GADL1: variants seen among roughly 807,000 people sequenced by gnomAD.
The protein encoded by GADL1 is acidic amino acid decarboxylase GADL1.
GADL1 carries 71 observed loss-of-function variants against 69.5 expected under a neutral mutation model. The observed-to-expected ratio is 1.02, with a 90% CI of 0.84 to 1.25. GADL1 has a LOEUF of 1.25. Ranked by LOEUF, GADL1 falls within the 50% of genes most tolerant of loss-of-function variation. The pLI is 0.00. For synonymous variants in GADL1, 254 were observed against 214.4 expected, an observed-to-expected ratio of 1.18 and a Z score of -1.62; for missense variants, 737 against 631.8, an observed-to-expected ratio of 1.17 and a Z score of -1.79.
In GADL1 at chr3:30,872,993, G is replaced by GT. The variant is rs146463604; in HGVS notation, c.38-11229dup. 8.1e-3 allele frequency among the ~76,000 whole-genome samples: 1,231 copies of GT among 151,598 alleles called. 25 individuals carry two copies. Among genetic ancestry groups the GT allele is most frequent in the African/African-American group, 0.028 (1,173 of 41,386 alleles). Reference sequence around the variant, plus strand: ...GTTACTGTCAGACAATAAATATGCTGTTTTTTTTCTAACTTTCTTCCCATG... The same window carrying GT: ...GTTACTGTCAGACAATAAATATGCTGTTTTTTTTTCTAACTTTCTTCCCATG... On this transcript the variant is annotated intron_variant, in intron 1 of 14. Coordinates refer to ENST00000282538, the MANE Select transcript of GADL1 (RefSeq NM_207359.3).
At position 30,839,062 on chromosome 3, in the gene GADL1, C is replaced by A; in HGVS notation, c.838G>T (p.Ala280Ser). ...GCTATTTCATCCAGAGGGTCAAAAG[C>A]TCCCAACACAGTTGTACCAGAAGTG... Reference protein sequence around the residue: ...CATSGTTVLGAFDPLDEIADI... With the variant: ...CATSGTTVLGSFDPLDEIADI... The change falls in exon 9 of 15, where the codon GCT (alanine) becomes TCT (serine). Residue 280 changes from alanine (A) to serine (S), a missense_variant. Physicochemically the swap from Ala to Ser is moderately conservative, Grantham distance 99. Transcript: ENST00000282538. The A allele has an allele frequency of 6.2e-7, 1 of 1,607,686 alleles. No individual in the cohort carries two copies. The highest frequency in any genetic ancestry group is 8.5e-7 in the Non-Finnish European group (1 of 1,177,508).
At chr3:30,880,367 G>A (rs1698627290) in intron 1 of GADL1, among the ~76,000 whole-genome samples, 2 of 151,822 alleles carry the variant, frequency 1.3e-5, no homozygotes, top group African/African-American at 2.4e-5. Flanking sequence ...ATCCCCATGT[G>A]TCATGGGAGG....
chr3:30,760,268 C>T (rs1188114293), intron 14 of GADL1, among the ~76,000 whole-genome samples: 2 of 152,160 alleles, frequency 1.3e-5, no homozygotes, highest in African/African-American at 4.8e-5. Context: ...ACATATTACT[C>T]ATACCCCAGT....
intron 3 of GADL1, among the ~76,000 whole-genome samples, 165 bp from the exon 4 acceptor site, chr3:30,854,954 C>T (rs1306401021): frequency 6.6e-6 from 1 of 152,054 alleles, no homozygotes; most frequent in Admixed American, 6.6e-5. Context: ...ACAAAGCTAT[C>T]TAAGGAGATG....
At position 30,839,558 on chromosome 3, in the gene GADL1, A is replaced by AT. The variant is rs753136748; in HGVS notation, c.787-446dup. Among the ~76,000 whole-genome samples, 17 of 141,468 alleles carry AT rather than the reference A, an allele frequency of 1.2e-4. No individual in the cohort carries two copies. The Admixed American group carries it at 1.2e-3, about 10-fold the overall frequency. 92.8% of individuals were successfully genotyped at this position (141,468 alleles called of 152,430 possible). A position where few individuals can be genotyped will look rare whatever the true frequency, so the allele number is the denominator to read the frequency against. On this transcript the variant is annotated intron_variant, in intron 8 of 14. Transcript: ENST00000282538. ...GAAGACAGAGCTCCCGGAGTAAACC[A>AT]TGCAGGCCTGTTTGCTCATCTCCTT...
In GADL1 at chr3:30,857,068, GGT is replaced by G. The variant is rs1698239898; in HGVS notation, c.282_283del (p.His96Ter). 1 of 1,549,680 alleles carries G rather than the reference GGT, an allele frequency of 6.5e-7. No homozygotes were observed. The highest frequency in any genetic ancestry group is 1.4e-5 in the African/African-American group (1 of 73,024). Reference sequence around the variant, plus strand: ...CCGACAGAGTTCCAATAGTTTATGGGGTGGCTCGCCTGAGTCTCTCATCTCCA... The same window carrying G: ...CCGACAGAGTTCCAATAGTTTATGGGGGCTCGCCTGAGTCTCTCATCTCCA... On this transcript the variant is annotated frameshift_variant, in exon 3 of 15. Transcript: ENST00000282538. LOFTEE classifies it high-confidence loss of function.
At chr3:30,782,853 C>A (rs577191652) in intron 13 of GADL1, among the ~76,000 whole-genome samples, 1 of 152,064 alleles carries the variant, frequency 6.6e-6, no homozygotes, top group South Asian at 2.1e-4. Flanking sequence ...GGGTAACATA[C>A]AATGCTACAG....
Position 30,734,256 on chromosome 3 carries a change from T to C in GADL1, c.1393-5841A>G, listed in dbSNP as rs888297288. Among the ~76,000 whole-genome samples, 3 of 152,218 alleles carry C rather than the reference T, an allele frequency of 2.0e-5. No individual in the cohort carries two copies. The East Asian group carries it at 5.8e-4, about 29-fold the overall frequency. On this transcript the variant is annotated intron_variant, in intron 14 of 14. Transcript: ENST00000282538. ...TTTCAATTTTTGTTTAAGTATATTC[T>C]TCAGTGGAAAGTGGATTTCATCTGT...
intron 7 of GADL1, 24 bp downstream of exon 7, chr3:30,844,363 G>A: frequency 6.3e-7 from 1 of 1,591,606 alleles, no homozygotes; most frequent in Non-Finnish European, 8.6e-7. Context: ...CACCCACCAG[G>A]CTTCCAGATC....
At chr3:30,893,265 G>GT (rs1159528241) in intron 1 of GADL1, among the ~76,000 whole-genome samples, 2 of 152,002 alleles carry the variant, frequency 1.3e-5, no homozygotes, top group African/African-American at 2.4e-5. Context: ...AAGTTTTATT[G>GT]TTTTTAATTG....
At chr3:30,769,689 CA>C (rs1282023936) in intron 14 of GADL1, among the ~76,000 whole-genome samples, 1 of 152,190 alleles carries the variant, frequency 6.6e-6, no homozygotes, top group Non-Finnish European at 1.5e-5. Context: ...AAAATGCACC[CA>C]CACCCATATG....
intron 4 of GADL1, 50 bp downstream of exon 4, chr3:30,854,649 A>G (rs766127951): frequency 3.7e-6 from 4 of 1,078,602 alleles, no homozygotes; most frequent in Admixed American, 4.4e-5. Context: ...TCATCTACTT[A>G]AAGTCTCTAA....
rs557409039 is a variant in GADL1 at position 30,765,033 on chromosome 3, TGA to T, written c.1392+13144_1392+13145del. Among the ~76,000 whole-genome samples, 766 of 122,834 alleles carry T rather than the reference TGA, an allele frequency of 6.2e-3. 7 individuals carry two copies. The highest frequency in any genetic ancestry group is 0.022 in the African/African-American group (738 of 33,134). The allele number at this position is 122,834 out of a possible 152,430, so 80.6% of individuals were successfully genotyped here. On this transcript the variant is annotated intron_variant, in intron 14 of 14. Coordinates refer to ENST00000282538, the MANE Select transcript of GADL1 (RefSeq NM_207359.3). Reference sequence around the variant, plus strand: ...GCCATCTGTAGTCACAACTGCAAATTGACTTTTTCCTTCCGAACTGATGATTT... The same window carrying T: ...GCCATCTGTAGTCACAACTGCAAATTCTTTTTCCTTCCGAACTGATGATTT...
At chr3:30,830,365 G>T (rs112624198) in intron 11 of GADL1, among the ~76,000 whole-genome samples, 3,941 of 151,978 alleles carry the variant, frequency 0.026, 156 homozygotes, top group African/African-American at 0.089. Flanking sequence ...AAAAAATTTT[G>T]GTTAAATAAG....
At chr3:30,886,782 T>C (rs1055915275) in intron 1 of GADL1, among the ~76,000 whole-genome samples, 1 of 152,196 alleles carries the variant, frequency 6.6e-6, no homozygotes, top group Non-Finnish European at 1.5e-5. Context: ...GTGTGCAAGG[T>C]CACAGCCTAG....
At chr3:30,833,796 G>A (rs542432565) in intron 11 of GADL1, 57 bp downstream of exon 11, 2 of 1,244,750 alleles carry the variant, frequency 1.6e-6, no homozygotes, top group East Asian at 2.3e-5. Context: ...GAAGCCCTTG[G>A]CAAGCACAGT....
At chr3:30,751,910 C>CT (rs1372119510) in intron 14 of GADL1, among the ~76,000 whole-genome samples, 2 of 152,198 alleles carry the variant, frequency 1.3e-5, no homozygotes, top group Non-Finnish European at 2.9e-5. Context: ...TCTTGTTTCT[C>CT]TCCCCAATAT....
At chr3:30,815,230 GTTAAA>G in intron 11 of GADL1, among the ~76,000 whole-genome samples, 1 of 152,212 alleles carries the variant, frequency 6.6e-6, no homozygotes, top group Non-Finnish European at 1.5e-5. Context: ...GATAAAACTG[GTTAAA>G]TTTGTGTTCA....
At chr3:30,850,258 C>T in intron 5 of GADL1, 147 bp from the exon 6 acceptor site, 1 of 636,232 alleles carries the variant, frequency 1.6e-6, no homozygotes. Context: ...GACCTCCCTG[C>T]TCCCATTATT....
Sources: allele counts gnomAD v4.1 joint callset (sites outside exome capture counted in the v4.1 genomes callset), GRCh38; gene constraint gnomAD v4.1.1; transcripts MANE v1.5; gene names NCBI Gene and HGNC (gene_info 2026-07-23, HGNC 2026-07-21).